WDR75: variants seen among roughly 807,000 people sequenced by gnomAD.
WDR75 encodes the protein WD repeat-containing protein 75.
A neutral mutation model predicts 106.1 loss-of-function variants in WDR75; 52 were observed. That is an observed-to-expected ratio of 0.49 (90% CI 0.39 to 0.62). The LOEUF (loss-of-function observed/expected upper bound fraction) is 0.62. Ranked by LOEUF, WDR75 falls within the 20% of genes least tolerant of loss-of-function variation. The probability of loss-of-function intolerance (pLI) is 0.00; values close to 1 mark genes in which losing one functional copy is unlikely to be tolerated. For missense variants in WDR75, 905 were observed against 970.3 expected (o/e 0.93, Z 0.89); for synonymous variants, 333 against 335.5 (o/e 0.99, Z 0.08).
intron 2 of WDR75, chr2:189,449,435 A>C: frequency 8.2e-7 from 1 of 1,215,548 alleles, no homozygotes; most frequent in South Asian, 1.5e-5. Context: ...TGAGGGTTTG[A>C]CAAAAGTTTA....
chr2:189,462,631 A>G lies in WDR75; in HGVS notation c.926A>G (p.His309Arg). 6.2e-7 allele frequency: 1 copy of G among 1,613,566 alleles called. No homozygotes were observed. The highest frequency in any genetic ancestry group is 8.5e-7 in the Non-Finnish European group (1 of 1,179,766). ...GCAGGAGATTTATTCTGCACTTCTCACTCTGATAATAGTAAGTCTAAATTT... is the reference window on the plus strand; with the variant it reads ...GCAGGAGATTTATTCTGCACTTCTCGCTCTGATAATAGTAAGTCTAAATTT... ...SPAGDLFCTS[H>R]SDNKIIIIHR... is the part of the protein sequence containing the mutation. Residue 309 changes from histidine to arginine, a missense_variant, in exon 9 of 21, where the codon CAC becomes CGC. By Grantham distance (29) the His-to-Arg change is conservative. Coordinates refer to ENST00000314761, the MANE Select transcript of WDR75 (RefSeq NM_032168.3).
At chr2:189,472,569 A>ATT (rs75578004) in intron 18 of WDR75, among the ~76,000 whole-genome samples, 6 of 149,774 alleles carry the variant, frequency 4.0e-5, no homozygotes, top group South Asian at 2.1e-4. Flanking sequence ...TTTCCATTAC[A>ATT]TTTTTTTTTG....
intron 2 of WDR75, 137 bp downstream of exon 2, chr2:189,448,645 C>A: frequency 8.7e-7 from 1 of 1,143,666 alleles, no homozygotes; most frequent in Non-Finnish European, 1.3e-6. Context: ...GTATTTTCCA[C>A]TTGCTAAATT....
In WDR75 at chr2:189,468,578, T is replaced by A. The variant is rs1209741501; in HGVS notation, c.1723+9T>A. The stretch of plus-strand genomic sequence containing the variant: ...TCTGCTGAGCTGTGCATGTAAGATA[T>A]TTTTTACTCTAAAGTGATCTGGCAA... On this transcript the variant is annotated intron_variant, in intron 15 of 20. Transcript: ENST00000314761. The A allele has an allele frequency of 1.9e-6, 3 of 1,612,326 alleles. No individual in the cohort carries two copies. The highest frequency in any genetic ancestry group is 1.7e-5 in the Admixed American group (1 of 59,982).
intron 2 of WDR75, chr2:189,449,824 A>T: frequency 1.0e-6 from 1 of 984,866 alleles, no homozygotes. Context: ...TTTTACTCCA[A>T]CATTTTTACA....
chr2:189,467,353 T>G, intron 13 of WDR75, 115 bp from the exon 14 acceptor site: 1 of 1,079,530 alleles, frequency 9.3e-7, no homozygotes, highest in Non-Finnish European at 1.3e-6. Context: ...AGTTGACCCC[T>G]AGGAACTGAA....
At chr2:189,455,497 A>C in intron 5 of WDR75, 53 bp downstream of exon 5, 1 of 1,576,190 alleles carries the variant, frequency 6.3e-7, no homozygotes, top group Non-Finnish European at 8.6e-7. Flanking sequence ...TCTTTCCTGC[A>C]ATCTCTCTTC....
At chr2:189,455,283 A>G (rs935611309) in intron 4 of WDR75, 37 bp from the exon 5 acceptor site, 3 of 1,600,260 alleles carry the variant, frequency 1.9e-6, no homozygotes, top group African/African-American at 2.7e-5. Context: ...TGCTCTCTCT[A>G]GAGAAGCTTT....
chr2:189,469,658 G>T (rs62187105), intron 16 of WDR75, among the ~76,000 whole-genome samples: 3 of 152,002 alleles, frequency 2.0e-5, no homozygotes, highest in Admixed American at 1.3e-4. Context: ...AAGCCAATTC[G>T]TACTCAATCT....
At chr2:189,457,923 G>GTTT (rs1686772343) in intron 6 of WDR75, among the ~76,000 whole-genome samples, 1 of 103,028 alleles carries the variant, frequency 9.7e-6, no homozygotes, top group African/African-American at 3.4e-5. Context: ...TGCCAAGATT[G>GTTT]CTTTTTTTTT....
intron 4 of WDR75, among the ~76,000 whole-genome samples, chr2:189,454,815 T>C (rs2105558120): frequency 6.6e-6 from 1 of 152,334 alleles, no homozygotes; most frequent in South Asian, 2.1e-4. Flanking sequence ...GGGGCATTTA[T>C]GTACATGAGT....
At chr2:189,474,952 A>C in intron 20 of WDR75, 144 bp downstream of exon 20, 1 of 778,906 alleles carries the variant, frequency 1.3e-6, no homozygotes, top group Non-Finnish European at 2.1e-6. Flanking sequence ...TAGGATTATT[A>C]AGTCAAGTAA....
intron 4 of WDR75, among the ~76,000 whole-genome samples, chr2:189,454,496 C>A (rs1686692422): frequency 6.6e-6 from 1 of 151,946 alleles, no homozygotes; most frequent in African/African-American, 2.4e-5. Context: ...TAAAATGCAC[C>A]AGTAAGATAC....
intron 1 of WDR75, among the ~76,000 whole-genome samples, chr2:189,442,605 C>A (rs560608477): frequency 2.1e-4 from 32 of 151,906 alleles, no homozygotes; most frequent in Non-Finnish European, 3.7e-4. Flanking sequence ...CGCGGGCCAC[C>A]ACGCCCGCTA....
intron 20 of WDR75, 105 bp from the exon 21 acceptor site, chr2:189,475,108 C>T (rs980305334): frequency 2.2e-6 from 2 of 916,168 alleles, no homozygotes; most frequent in African/African-American, 3.4e-5. Flanking sequence ...TAACAAAATT[C>T]TTCATTTACT....
In WDR75 at chr2:189,475,139, A is replaced by G. The variant is rs528887420; in HGVS notation, c.2289-74A>G. 1.5e-4 allele frequency: 172 copies of G among 1,110,254 alleles called. 1 individual carries two copies. In the South Asian group the frequency reaches 2.6e-3, roughly 17 times the overall value. 68.8% of individuals were successfully genotyped at this position (1,110,254 alleles called of 1,614,324 possible). On this transcript the variant is annotated intron_variant, in intron 20 of 20. Coordinates refer to ENST00000314761, the MANE Select transcript of WDR75 (RefSeq NM_032168.3). Reference sequence around the variant, plus strand: ...TTACTTTGTGTGATTATATTTCTACATAGGTGTCAAATTAGAAAGTTACTG... The same window carrying G: ...TTACTTTGTGTGATTATATTTCTACGTAGGTGTCAAATTAGAAAGTTACTG...
In WDR75 at chr2:189,441,511, A is replaced by C. The variant is rs1282164785; in HGVS notation, c.19A>C (p.Ile7Leu). 1 of 1,565,734 alleles carries C rather than the reference A, an allele frequency of 6.4e-7. No individual in the cohort carries two copies. The highest frequency in any genetic ancestry group is 8.7e-7 in the Non-Finnish European group (1 of 1,153,772). ...CGCAAAGATGGTGGAGGAGGAGAACATCCGCGTGGTTCGTTGTGGCGGCAG... is the reference window on the plus strand; with the variant it reads ...CGCAAAGATGGTGGAGGAGGAGAACCTCCGCGTGGTTCGTTGTGGCGGCAG... MVEEEN[I>L]RVVRCGGSEL... Residue 7 changes from isoleucine to leucine, a missense_variant, in exon 1 of 21, where the codon ATC (isoleucine) becomes CTC (leucine). Coordinates refer to ENST00000314761, the MANE Select transcript of WDR75 (RefSeq NM_032168.3).
At chr2:189,449,264 TATTG>T (rs1340477998) in intron 2 of WDR75, 126 of 1,303,516 alleles carry the variant, frequency 9.7e-5, no homozygotes, top group Non-Finnish European at 1.2e-4. Context: ...ACTTGGAAGT[TATTG>T]ATTAAGGATG....
At chr2:189,449,445 A>C in intron 2 of WDR75, 2 of 1,206,972 alleles carry the variant, frequency 1.7e-6, no homozygotes, top group Non-Finnish European at 2.1e-6. Flanking sequence ...ACAAAAGTTT[A>C]TCGCTGTGTG....
Sources: gnomAD v4.1 joint callset for allele counts (sites outside exome capture counted in the v4.1 genomes callset) on GRCh38, gnomAD v4.1.1 for gene constraint, MANE v1.5 for transcripts, NCBI Gene and HGNC (gene_info 2026-07-23, HGNC 2026-07-21) for gene names.